Variants in BRINP3 observed in about 807,000 individuals in gnomAD.
The protein encoded by BRINP3 is BMP/retinoic acid inducible neural specific 3.
Under a neutral mutation model 71.0 loss-of-function variants are expected in BRINP3, and 19 were observed. That is an observed-to-expected ratio of 0.27 (90% confidence interval 0.19 to 0.39). The LOEUF (loss-of-function observed/expected upper bound fraction) is 0.39, where lower values mean the gene tolerates loss of function less well. BRINP3 is among the 10% of genes least tolerant of loss of function. The probability of loss-of-function intolerance (pLI) is 1.00; values close to 1 mark genes in which losing one functional copy is unlikely to be tolerated. For missense variants in BRINP3, 959 were observed against 940.8 expected (o/e 1.02, Z -0.25); for synonymous variants, 380 against 337.7 (o/e 1.13, Z -1.37).
At chr1:190,394,553 C>T (rs1671449796) in intron 2 of BRINP3, among the ~76,000 whole-genome samples, 1 of 151,416 alleles carries the variant, frequency 6.6e-6, no homozygotes. Context: ...TTTCATGGAT[C>T]CTAATCTTCT....
At chr1:190,285,981 A>C (rs985697783) in intron 2 of BRINP3, among the ~76,000 whole-genome samples, 2 of 152,146 alleles carry the variant, frequency 1.3e-5, no homozygotes, top group African/African-American at 4.8e-5. Flanking sequence ...GAACGTAACT[A>C]TCTTCCCATC....
At chr1:190,373,494 G>GTATATA (rs567742139) in intron 2 of BRINP3, among the ~76,000 whole-genome samples, 1 of 150,830 alleles carries the variant, frequency 6.6e-6, no homozygotes, top group Admixed American at 6.6e-5. Context: ...GTGTATATGT[G>GTATATA]TATATATATA....
At chr1:190,259,966 T>A (rs1357533752) in intron 4 of BRINP3, among the ~76,000 whole-genome samples, 1 of 150,648 alleles carries the variant, frequency 6.6e-6, no homozygotes, top group Admixed American at 6.6e-5. Flanking sequence ...AGTCAGAGGT[T>A]GCAGTTAGCC....
intron 2 of BRINP3, among the ~76,000 whole-genome samples, chr1:190,374,945 C>A (rs1411822579): frequency 6.6e-6 from 1 of 151,768 alleles, no homozygotes; most frequent in African/African-American, 2.4e-5. Flanking sequence ...TTAGAACAAA[C>A]AATAATTTAA....
At chr1:190,166,720 G>A (rs953934329) in intron 6 of BRINP3, among the ~76,000 whole-genome samples, 1 of 151,842 alleles carries the variant, frequency 6.6e-6, no homozygotes, top group Non-Finnish European at 1.5e-5. Flanking sequence ...CACTAAATAC[G>A]TCTTATGCAT....
At chr1:190,331,765 AACTCATACTT>A (rs769299342) in intron 2 of BRINP3, among the ~76,000 whole-genome samples, 20,687 of 152,084 alleles carry the variant, frequency 0.14, 1,851 homozygotes, top group South Asian at 0.26. Context: ...GGTAAGAATT[AACTCATACTT>A]ATATTTGAAT....
At chr1:190,198,114 G>A (rs1210394030) in intron 6 of BRINP3, among the ~76,000 whole-genome samples, 2 of 152,026 alleles carry the variant, frequency 1.3e-5, no homozygotes, top group Non-Finnish European at 2.9e-5. Flanking sequence ...CAAACAGTCT[G>A]AGCTGTATGT....
chr1:190,264,849 G>A lies in BRINP3; in HGVS notation c.618+16C>T, dbSNP rs1338151103. On this transcript the variant is annotated intron_variant, in intron 4 of 7. Coordinates refer to ENST00000367462, the MANE Select transcript of BRINP3 (RefSeq NM_199051.3). ...AACAATGGAAGGTGATAATTTTAGC[G>A]TAAACTCATTCTTACCTTTATGGCA... 5.6e-6 allele frequency: 9 copies of A among 1,607,084 alleles called. No individual in the cohort carries two copies. Among genetic ancestry groups the A allele is most frequent in the South Asian group, 2.2e-5 (2 of 90,470 alleles).
At chr1:190,363,534 T>C (rs1044490951) in intron 2 of BRINP3, among the ~76,000 whole-genome samples, 8 of 152,150 alleles carry the variant, frequency 5.3e-5, no homozygotes, top group Admixed American at 1.3e-4. Flanking sequence ...TATAAGAAAC[T>C]TGGAATTTTT....
chr1:190,442,851 G>A (rs1674922584), intron 2 of BRINP3, among the ~76,000 whole-genome samples: 1 of 150,270 alleles, frequency 6.7e-6, no homozygotes, highest in South Asian at 2.1e-4. Flanking sequence ...TGAGGTATAG[G>A]TGCCTTAACA....
intron 6 of BRINP3, among the ~76,000 whole-genome samples, chr1:190,185,870 T>C (rs539780401): frequency 3.4e-4 from 51 of 152,214 alleles, no homozygotes; most frequent in African/African-American, 1.2e-3. Flanking sequence ...TTTCTTTGTG[T>C]TGGGAATATT....
intron 6 of BRINP3, among the ~76,000 whole-genome samples, chr1:190,165,458 TTTTGTG>T (rs1405289541): frequency 9.3e-6 from 1 of 106,962 alleles, no homozygotes; most frequent in Admixed American, 9.2e-5. Context: ...TTTTTTTTTT[TTTTGTG>T]TGTGTGTGTG....
At chr1:190,367,527 C>T (rs1571875208) in intron 2 of BRINP3, among the ~76,000 whole-genome samples, 1 of 152,188 alleles carries the variant, frequency 6.6e-6, no homozygotes, top group Non-Finnish European at 1.5e-5. Context: ...CATTCAGCTC[C>T]GTGTTACTTA....
chr1:190,113,273 A>T (rs1652846399), intron 7 of BRINP3, among the ~76,000 whole-genome samples: 1 of 151,420 alleles, frequency 6.6e-6, no homozygotes, highest in Non-Finnish European at 1.5e-5. Context: ...TCATTCTCCC[A>T]CTCCTCCTCA....
intron 4 of BRINP3, among the ~76,000 whole-genome samples, chr1:190,237,730 TTTTA>T (rs1347567791): frequency 6.6e-6 from 1 of 152,062 alleles, no homozygotes; most frequent in African/African-American, 2.4e-5. Context: ...TCATTAATTA[TTTTA>T]TTTGTTTCCT....
chr1:190,449,379 A>G (rs549586599), intron 2 of BRINP3, among the ~76,000 whole-genome samples: 2 of 152,096 alleles, frequency 1.3e-5, no homozygotes, highest in South Asian at 2.1e-4. Flanking sequence ...GTGTATGTGT[A>G]TATCAGGGAA....
chr1:190,289,848 G>A (rs1326477104), intron 2 of BRINP3, among the ~76,000 whole-genome samples: 2 of 151,966 alleles, frequency 1.3e-5, no homozygotes, highest in East Asian at 3.9e-4. Flanking sequence ...ATATGCACTC[G>A]TGGCACAATT....
intron 4 of BRINP3, among the ~76,000 whole-genome samples, chr1:190,255,809 T>C (rs562209617): frequency 6.6e-6 from 1 of 152,180 alleles, no homozygotes; most frequent in Non-Finnish European, 1.5e-5. Flanking sequence ...TAGTTATTTC[T>C]TGTCTTCTGC....
chr1:190,382,238 T>C (rs1344660780), intron 2 of BRINP3, among the ~76,000 whole-genome samples: 4 of 152,270 alleles, frequency 2.6e-5, no homozygotes, highest in East Asian at 1.9e-4. Context: ...ATTTTTGTTT[T>C]TTAATTCTCT....
Sources: gnomAD v4.1 joint callset for allele counts (sites outside exome capture counted in the v4.1 genomes callset) on GRCh38, gnomAD v4.1.1 for gene constraint, MANE v1.5 for transcripts, NCBI Gene and HGNC (gene_info 2026-07-23, HGNC 2026-07-21) for gene names.